STEAP4: variants seen among roughly 807,000 people sequenced by gnomAD.
STEAP4 encodes the protein metalloreductase STEAP4.
In STEAP4, 36 loss-of-function variants were observed where a neutral mutation model predicts 43.6. That is an observed-to-expected ratio of 0.83 (90% confidence interval 0.63 to 1.09). The LOEUF (loss-of-function observed/expected upper bound fraction) is 1.09, where lower values mean the gene tolerates loss of function less well. STEAP4 is among the 50% of genes least tolerant of loss of function. The pLI is 0.00. For synonymous variants in STEAP4, 191 were observed against 196.7 expected (o/e 0.97, Z 0.24); for missense variants, 495 against 546.5 (o/e 0.91, Z 0.94).
intron 1 of STEAP4, chr7:88,304,361 G>T (rs1033561325): frequency 6.6e-6 from 1 of 152,110 alleles, no homozygotes; most frequent in African/African-American, 2.4e-5. Context: ...GTGAAGAACA[G>T]AGACAGGTAA....
intron 1 of STEAP4, among the ~76,000 whole-genome samples, chr7:88,298,032 A>T (rs1334633964): frequency 6.6e-6 from 1 of 152,144 alleles, no homozygotes; most frequent in African/African-American, 2.4e-5. Flanking sequence ...TGAAAAACAG[A>T]ATGTTTGCTT....
Position 88,276,657 on chromosome 7 carries a change from C to T in STEAP4, c.*2741G>A, listed in dbSNP as rs1225448233. On this transcript the variant is annotated 3_prime_UTR_variant, in exon 5 of 5. Coordinates refer to ENST00000380079, the MANE Select transcript of STEAP4 (RefSeq NM_024636.4). ...CACTTATTTTCATCTGTTGTAAACT[C>T]ATTCTTTCTACCTTAAGTAAACTGG... 6.5e-6 allele frequency: 1 copy of T among 152,820 alleles called. No homozygotes were observed. Among genetic ancestry groups the T allele is most frequent in the Non-Finnish European group, 1.5e-5 (1 of 68,032 alleles). The allele number at this position is 152,820 out of a possible 1,614,324, so 9.5% of individuals were successfully genotyped here.
chr7:88,281,596 G>C (rs564950647), intron 3 of STEAP4: 4 of 152,224 alleles, frequency 2.6e-5, no homozygotes, highest in African/African-American at 9.7e-5. Context: ...ACATGTATTT[G>C]TTGGGAAAAT....
At chr7:88,296,963 T>G (rs1852934571) in intron 1 of STEAP4, among the ~76,000 whole-genome samples, 1 of 152,190 alleles carries the variant, frequency 6.6e-6, no homozygotes, top group Non-Finnish European at 1.5e-5. Context: ...CAGTTCAATC[T>G]TTAAGCCATA....
At chr7:88,281,463 A>C (rs1291004055) in intron 3 of STEAP4, 1 of 158,746 alleles carries the variant, frequency 6.3e-6, no homozygotes, top group Non-Finnish European at 1.4e-5. Flanking sequence ...TCACACTCTC[A>C]AAGTGGGTTC....
chr7:88,304,538 G>C (rs1288836684), intron 1 of STEAP4, among the ~76,000 whole-genome samples: 1 of 152,026 alleles, frequency 6.6e-6, no homozygotes, highest in Non-Finnish European at 1.5e-5. Context: ...GCAGGCACTA[G>C]CAAATTACCT....
At position 88,272,443 on chromosome 7, in the gene STEAP4, C is replaced by G. The variant is rs900204777; in HGVS notation, c.*6955G>C. The G allele has an allele frequency of 2.6e-5, 4 of 152,158 alleles. No homozygotes were observed. The highest frequency in any genetic ancestry group is 5.9e-5 in the Non-Finnish European group (4 of 68,044). 9.4% of individuals were successfully genotyped at this position (152,158 alleles called of 1,614,324 possible). On this transcript the variant is annotated 3_prime_UTR_variant, in exon 5 of 5. Transcript: ENST00000380079. The stretch of plus-strand genomic sequence containing the variant: ...TGATTTTTAACTTCCAGTATAAACT[C>G]TTTTACAAGAAGCCTTGCCTCAGGA...
intron 1 of STEAP4, among the ~76,000 whole-genome samples, chr7:88,285,771 AAAAG>A (rs1048427597): frequency 1.4e-4 from 21 of 150,674 alleles, no homozygotes; most frequent in South Asian, 1.2e-3. Flanking sequence ...AAAAAAAAAA[AAAAG>A]AAAGAAAGAA....
rs367576712 is a variant in STEAP4 at position 88,291,252 on chromosome 7, C to A, written c.-2-6981G>T. On this transcript the variant is annotated intron_variant, in intron 1 of 4. Coordinates refer to ENST00000380079, the MANE Select transcript of STEAP4 (RefSeq NM_024636.4). ...ATAAATAAAACTCTATATAAAATGGCGTTTGAGGATCACTTGAGGTCAGGA... is the reference window on the plus strand; with the variant it reads ...ATAAATAAAACTCTATATAAAATGGAGTTTGAGGATCACTTGAGGTCAGGA... Among the ~76,000 whole-genome samples the A allele has an allele frequency of 1.9e-4, 29 of 151,882 alleles. No individual in the cohort carries two copies. The South Asian group carries it at 5.8e-3, about 30-fold the overall frequency.
rs941008598 is a variant in STEAP4 at position 88,283,270 on chromosome 7, A to C, written c.457-102T>G. The C allele has an allele frequency of 1.3e-5, 16 of 1,196,230 alleles. 1 individual carries two copies. The highest frequency in any genetic ancestry group is 1.8e-5 in the Non-Finnish European group (16 of 882,800). 74.1% of individuals were successfully genotyped at this position (1,196,230 alleles called of 1,614,324 possible). On this transcript the variant is annotated intron_variant, in intron 2 of 4. Coordinates refer to ENST00000380079, the MANE Select transcript of STEAP4 (RefSeq NM_024636.4). ...GCACCATGCCAAATGATGACGTAAA[A>C]CAGTGAACCGATTTTAAAATAAGGA...
intron 3 of STEAP4, 109 bp from the exon 4 acceptor site, chr7:88,281,188 T>C (rs1418815941): frequency 1.3e-6 from 1 of 769,474 alleles, no homozygotes; most frequent in Non-Finnish European, 1.9e-6. Flanking sequence ...GCAAATTGTA[T>C]GGCATTTCTT....
rs1328154852 is a variant in STEAP4 at position 88,273,951 on chromosome 7, C to T, written c.*5447G>A. On this transcript the variant is annotated 3_prime_UTR_variant, in exon 5 of 5. Coordinates refer to ENST00000380079, the MANE Select transcript of STEAP4 (RefSeq NM_024636.4). The stretch of plus-strand genomic sequence containing the variant: ...TGGGCAATCAGGAATATTTAAAATG[C>T]GAATAAGCTTCTTGTCTTTAAAAAT... The T allele has an allele frequency of 2.0e-5, 3 of 152,148 alleles. No individual in the cohort carries two copies. The highest frequency in any genetic ancestry group is 2.9e-5 in the Non-Finnish European group (2 of 68,020). The allele number at this position is 152,148 out of a possible 1,614,324, so 9.4% of individuals were successfully genotyped here.
rs1472047805 is a variant in STEAP4, at chr7:88,278,627, CTT to C, written c.*769_*770del. 1.3e-5 allele frequency: 2 copies of C among 152,152 alleles called. No individual in the cohort carries two copies. The highest frequency in any genetic ancestry group is 4.8e-5 in the African/African-American group (2 of 41,446). 9.4% of individuals were successfully genotyped at this position (152,152 alleles called of 1,614,324 possible). On this transcript the variant is annotated 3_prime_UTR_variant, in exon 5 of 5. Coordinates refer to ENST00000380079, the MANE Select transcript of STEAP4 (RefSeq NM_024636.4). ...TTTTGATCAAGAACTTTTATCAACCCTTCTTTGCTTATTGCACAATGCAAGTG... is the reference window on the plus strand; with the variant it reads ...TTTTGATCAAGAACTTTTATCAACCCCTTTGCTTATTGCACAATGCAAGTG...
At chr7:88,281,375 T>C (rs1343343757) in intron 3 of STEAP4, 1 of 214,972 alleles carries the variant, frequency 4.7e-6, no homozygotes, top group South Asian at 1.6e-4. Flanking sequence ...ACCATCTGCA[T>C]TTTGTTCCCC....
At position 88,287,889 on chromosome 7, in the gene STEAP4, A is replaced by C. The variant is rs372503083; in HGVS notation, c.-2-3618T>G. Among the ~76,000 whole-genome samples, 7 of 152,324 alleles carry C rather than the reference A, an allele frequency of 4.6e-5. No individual in the cohort carries two copies. The East Asian group carries it at 1.2e-3, about 25-fold the overall frequency. On this transcript the variant is annotated intron_variant, in intron 1 of 4. Coordinates refer to ENST00000380079, the MANE Select transcript of STEAP4 (RefSeq NM_024636.4). ...GGCAAGAAGTGGGTCTTTTTGGGAAAAGGGACATTATCAATTTTGTTTCAG... is the reference window on the plus strand; with the variant it reads ...GGCAAGAAGTGGGTCTTTTTGGGAACAGGGACATTATCAATTTTGTTTCAG...
At chr7:88,284,318 G>C (rs757498707) in intron 1 of STEAP4, 47 bp from the exon 2 acceptor site, 1 of 1,335,598 alleles carries the variant, frequency 7.5e-7, no homozygotes. Context: ...AATGCTCTGT[G>C]CCTGGAAAAT....
chr7:88,293,925 T>C (rs1049685619), intron 1 of STEAP4, among the ~76,000 whole-genome samples: 2 of 152,134 alleles, frequency 1.3e-5, no homozygotes, highest in Non-Finnish European at 2.9e-5. Flanking sequence ...TAGTTCCTTT[T>C]CAGTCCTATA....
Position 88,273,571 on chromosome 7 carries a change from T to C in STEAP4, c.*5827A>G, listed in dbSNP as rs1171332888. On this transcript the variant is annotated 3_prime_UTR_variant, in exon 5 of 5. Transcript: ENST00000380079. ...GTATTAAAGTACTAAATGAGAAGTGTTATGAAATTTCTTGCATGGGTTACT... is the reference window on the plus strand; with the variant it reads ...GTATTAAAGTACTAAATGAGAAGTGCTATGAAATTTCTTGCATGGGTTACT... 1 of 152,116 alleles carries C rather than the reference T, an allele frequency of 6.6e-6. No individual in the cohort carries two copies. The allele number at this position is 152,116 out of a possible 1,614,324, so 9.4% of individuals were successfully genotyped here.
intron 4 of STEAP4, among the ~76,000 whole-genome samples, chr7:88,280,097 T>C (rs188901795): frequency 7.5e-4 from 114 of 152,340 alleles, no homozygotes; most frequent in East Asian, 5.8e-4. Context: ...TCAGCCTACA[T>C]TTTAAAGCTT....
Sources: gnomAD v4.1 joint callset for allele counts (sites outside exome capture counted in the v4.1 genomes callset) on GRCh38, gnomAD v4.1.1 for gene constraint, MANE v1.5 for transcripts, NCBI Gene and HGNC (gene_info 2026-07-23, HGNC 2026-07-21) for gene names.